The following RPS6KA2 variants were observed in gnomAD, a reference collection of about 807,000 sequenced individuals.
RPS6KA2 encodes ribosomal protein S6 kinase alpha-2.
In RPS6KA2, 42 loss-of-function variants were observed where a neutral mutation model predicts 91.8. That is an observed-to-expected ratio of 0.46 (90% CI 0.36 to 0.59). The LOEUF (loss-of-function observed/expected upper bound fraction) is 0.59. Among genes scored for constraint, RPS6KA2 ranks in the 20% least tolerant of loss-of-function variants. The probability of loss-of-function intolerance (pLI) is 0.00; values close to 1 mark genes in which losing one functional copy is unlikely to be tolerated. For missense variants in RPS6KA2, 798 were observed against 978.5 expected (o/e 0.82, Z 2.46); for synonymous variants, 414 against 393.6 (o/e 1.05, Z -0.61).
In RPS6KA2 at chr6:166,641,719, C is replaced by CAAAAAAAAAAAAAAAAA. The variant is rs71032871; in HGVS notation, c.124-102952_124-102936dup. 9.8e-4 allele frequency among the ~76,000 whole-genome samples: 28 copies of CAAAAAAAAAAAAAAAAA among 28,542 alleles called. 5 individuals are homozygous for CAAAAAAAAAAAAAAAAA. Among genetic ancestry groups the CAAAAAAAAAAAAAAAAA allele is most frequent in the South Asian group, 2.6e-3 (1 of 390 alleles). The allele number at this position is 28,542 out of a possible 152,430, so 18.7% of individuals were successfully genotyped here. On this transcript the variant is annotated intron_variant, in intron 2 of 21. Transcript: ENST00000503859. Reference sequence around the variant, plus strand: ...TGGGTAAAAGAGTGAGACTCTGTCACAAAAAAAAAAAAAAAAAAAAAAAAA... The same window carrying CAAAAAAAAAAAAAAAAA: ...TGGGTAAAAGAGTGAGACTCTGTCACAAAAAAAAAAAAAAAAAAAAAAAAAAAAAAAAAAAAAAAAAA...
intron 1 of RPS6KA2, among the ~76,000 whole-genome samples, chr6:166,565,636 C>T (rs1784476846): frequency 6.6e-6 from 1 of 152,238 alleles, no homozygotes; most frequent in Admixed American, 6.5e-5. Flanking sequence ...TCAGCCAATC[C>T]CAGTGTGGAC....
chr6:166,607,693 G>GT (rs1554235178), intron 1 of RPS6KA2, among the ~76,000 whole-genome samples: 2 of 152,192 alleles, frequency 1.3e-5, no homozygotes, highest in Non-Finnish European at 1.5e-5. Flanking sequence ...GCACAACCTT[G>GT]TGAATACACT....
intron 2 of RPS6KA2, among the ~76,000 whole-genome samples, chr6:166,747,187 C>T (rs554546056): frequency 6.6e-6 from 1 of 152,300 alleles, no homozygotes; most frequent in South Asian, 2.1e-4. Flanking sequence ...AAAGTCTCAA[C>T]CCTCTAATCC....
intron 11 of RPS6KA2, among the ~76,000 whole-genome samples, chr6:166,462,046 C>T (rs1360266419): frequency 3.9e-5 from 6 of 152,230 alleles, no homozygotes; most frequent in African/African-American, 1.2e-4. Flanking sequence ...CCCAGCCACC[C>T]ATAACAGCCC....
At position 166,480,199 on chromosome 6, in the gene RPS6KA2, A is replaced by G. The variant is rs577578011; in HGVS notation, c.907+8634T>C. On this transcript the variant is annotated intron_variant, in intron 10 of 20. Transcript: ENST00000265678. ...CCGGAAGTTGGGAAACTGCTCTCCCATCGCCAACAGTGAGGATTGCCAAAT... is the reference window on the plus strand; with the variant it reads ...CCGGAAGTTGGGAAACTGCTCTCCCGTCGCCAACAGTGAGGATTGCCAAAT... Among the ~76,000 whole-genome samples the G allele has an allele frequency of 4.6e-5, 7 of 152,206 alleles. No homozygotes were observed. The East Asian group carries it at 7.7e-4, about 17-fold the overall frequency.
Position 166,419,890 on chromosome 6 carries a change from CATGGTGT to C in RPS6KA2, c.1805_1811del (p.Tyr602CysfsTer58). ...TTGAGGTGACTGCTTACCCTGCCAG[CATGGTGT>C]ACAACAGGATCCCCAAACTCCAGAT... On this transcript the variant is annotated frameshift_variant, in exon 18 of 21. Transcript: ENST00000265678. LOFTEE classifies it high-confidence loss of function. This position sits in a 1 kb window ranked among gnomAD's most constrained non-coding sequence, Gnocchi z 5.6. The C allele has an allele frequency of 6.2e-7, 1 of 1,613,794 alleles. No homozygotes were observed. Among genetic ancestry groups the C allele is most frequent in the Non-Finnish European group, 8.5e-7 (1 of 1,179,744 alleles).
Position 166,488,904 on chromosome 6 carries a change from G to A in RPS6KA2, c.836C>T (p.Pro279Leu), listed in dbSNP as rs778666535. ...ALILKAKLGM[P>L]QFLSGEAQSL... ...CTGTGCCTCCCCACTGAGGAACTGC[G>A]GCATCCCCAGCTTGGCTCTGAAAAA... is the stretch of plus-strand genomic sequence containing the variant. The change falls in exon 10 of 21, where the codon CCG (proline) becomes CTG (leucine). Residue 279 changes from proline to leucine, a missense_variant. By Grantham distance (98) the Pro-to-Leu change is moderately conservative (BLOSUM62 -3). Transcript: ENST00000265678. 5 of 1,613,404 alleles carry A rather than the reference G, an allele frequency of 3.1e-6. No individual in the cohort carries two copies. The highest frequency in any genetic ancestry group is 1.7e-6 in the Non-Finnish European group (2 of 1,179,674).
In RPS6KA2 at chr6:166,587,407, G is replaced by C. The variant is rs76712074; in HGVS notation, c.99+39514C>G. ...ACTCTAATTGTGTGGCATCAGACAA[G>C]CTCCTCACCCGTCCTTGGCCTCAGT... On this transcript the variant is annotated intron_variant, in intron 1 of 20. Coordinates refer to ENST00000265678, the MANE Select transcript of RPS6KA2 (RefSeq NM_021135.6). Among the ~76,000 whole-genome samples the C allele has an allele frequency of 3.0e-4, 45 of 152,278 alleles. 3 individuals are homozygous for C. In the East Asian group the frequency reaches 8.5e-3, roughly 29 times the overall value.
At chr6:166,548,783 T>C (rs1461286954) in intron 1 of RPS6KA2, among the ~76,000 whole-genome samples, 2 of 152,130 alleles carry the variant, frequency 1.3e-5, no homozygotes, top group Non-Finnish European at 2.9e-5. Context: ...AGGGAAAAAT[T>C]CTTAGACATG....
In RPS6KA2 at chr6:166,493,917, A is replaced by G. The variant is rs903301433; in HGVS notation, c.748-3176T>C. Among the ~76,000 whole-genome samples, 1 of 152,182 alleles carries G rather than the reference A, an allele frequency of 6.6e-6. No homozygotes were observed. Among genetic ancestry groups the G allele is most frequent in the Non-Finnish European group, 1.5e-5 (1 of 68,034 alleles). On this transcript the variant is annotated intron_variant, in intron 8 of 20. Coordinates refer to ENST00000265678, the MANE Select transcript of RPS6KA2 (RefSeq NM_021135.6). This position sits in a 1 kb window ranked among gnomAD's most constrained non-coding sequence, Gnocchi z 4.7. ...CTAAAGGGACAGCTAAGGAACCTGG[A>G]AAGAGTGGCGGCCCCGGCACAGGCA...
In RPS6KA2 at chr6:166,412,850, G is replaced by A; in HGVS notation, c.2114C>T (p.Thr705Ile). 1 of 1,567,766 alleles carries A rather than the reference G, an allele frequency of 6.4e-7. No individual in the cohort carries two copies. Among genetic ancestry groups the A allele is most frequent in the South Asian group, 1.2e-5 (1 of 85,248 alleles). ...GGGCTCCAGCCGCGGGGCCTGAGGTGTTCTGTTTAGAGCAAAGTAGGTGGC... is the reference window on the plus strand; with the variant it reads ...GGGCTCCAGCCGCGGGGCCTGAGGTATTCTGTTTAGAGCAAAGTAGGTGGC... The part of the protein sequence containing the change: ...MAATYFALNR[T>I]PQAPRLEPVL... Residue 705 changes from threonine (T) to isoleucine (I), a missense_variant, in exon 21 of 21, where the codon ACA becomes ATA. Physicochemically the swap from Thr to Ile is moderately conservative, Grantham distance 89. Transcript: ENST00000265678. This position sits in a 1 kb window ranked among gnomAD's most constrained non-coding sequence, Gnocchi z 4.3.
At chr6:166,625,018 G>C (rs1050898545) in intron 1 of RPS6KA2, among the ~76,000 whole-genome samples, 4 of 152,084 alleles carry the variant, frequency 2.6e-5, no homozygotes, top group African/African-American at 9.7e-5. Context: ...ATATTTAGTA[G>C]AGATGGGGTT....
intron 2 of RPS6KA2, among the ~76,000 whole-genome samples, chr6:166,686,320 C>T (rs1365847429): frequency 6.6e-6 from 1 of 152,196 alleles, no homozygotes; most frequent in African/African-American, 2.4e-5. Context: ...CTGTGGGACC[C>T]TCTGGCCCAG....
chr6:166,831,483 G>A (rs1314514097), intron 2 of RPS6KA2, among the ~76,000 whole-genome samples: 2 of 152,022 alleles, frequency 1.3e-5, no homozygotes, highest in African/African-American at 4.8e-5. Context: ...AGCTTCAGCT[G>A]TAAGGGCAGT....
chr6:166,777,794 A>G (rs905553471), intron 2 of RPS6KA2, among the ~76,000 whole-genome samples: 5 of 152,194 alleles, frequency 3.3e-5, no homozygotes, highest in African/African-American at 1.2e-4. Context: ...CAGTTTTGGC[A>G]ATACAGCAGA....
intron 2 of RPS6KA2, among the ~76,000 whole-genome samples, chr6:166,707,220 C>G (rs1789706195): frequency 6.6e-6 from 1 of 152,216 alleles, no homozygotes; most frequent in South Asian, 2.1e-4. Flanking sequence ...GGGAAGGGGG[C>G]AGCTCTGCTC....
intron 2 of RPS6KA2, among the ~76,000 whole-genome samples, chr6:166,835,254 G>A (rs565807099): frequency 3.3e-5 from 5 of 152,144 alleles, no homozygotes; most frequent in East Asian, 3.9e-4. Context: ...TTCTTCTTTC[G>A]CAAAGTTCTT....
intron 2 of RPS6KA2, among the ~76,000 whole-genome samples, chr6:166,836,231 G>A (rs1780312600): frequency 1.3e-5 from 2 of 151,990 alleles, no homozygotes; most frequent in South Asian, 2.1e-4. Context: ...TAATGTCTTT[G>A]CACGGGTTTT....
At chr6:166,774,503 C>A (rs537613204) in intron 2 of RPS6KA2, among the ~76,000 whole-genome samples, 15 of 152,290 alleles carry the variant, frequency 9.8e-5, no homozygotes, top group Admixed American at 6.5e-4. Context: ...GCTGCTGCTG[C>A]ACCCATCCCA....
Sources: gnomAD v4.1 joint callset for allele counts (sites outside exome capture counted in the v4.1 genomes callset) on GRCh38, gnomAD v4.1.1 for gene constraint, Gnocchi (gnomAD v3.1) non-coding constraint, MANE v1.5 for transcripts, NCBI Gene and HGNC (gene_info 2026-07-23, HGNC 2026-07-21) for gene names.